Variants in PATJ observed in about 807,000 individuals in gnomAD.
PATJ encodes the protein inaD-like protein.
PATJ carries 190 observed loss-of-function variants against 224.9 expected under a neutral mutation model. That is an observed-to-expected ratio of 0.84 (90% CI 0.75 to 0.95). PATJ has a LOEUF of 0.95. Among genes scored for constraint, PATJ ranks in the 40% least tolerant of loss-of-function variants. PATJ has a pLI of 0.00. For synonymous variants in PATJ, 769 were observed against 820.3 expected (o/e 0.94, Z 1.07); for missense variants, 2,121 against 2,270.3 (o/e 0.93, Z 1.34).
At chr1:62,103,584 C>T (rs1008596424) in intron 33 of PATJ, among the ~76,000 whole-genome samples, 20 of 152,098 alleles carry the variant, frequency 1.3e-4, no homozygotes, top group African/African-American at 4.8e-4. Flanking sequence ...GAAACCTCAT[C>T]TCTACTAAAA....
intron 28 of PATJ, among the ~76,000 whole-genome samples, chr1:62,005,167 C>T (rs2149632312): frequency 6.7e-6 from 1 of 149,050 alleles, no homozygotes; most frequent in Non-Finnish European, 1.5e-5. Flanking sequence ...GACATAGTTT[C>T]ACCTGTCACC....
chr1:61,929,819 A>G (rs1221272828), intron 27 of PATJ, among the ~76,000 whole-genome samples: 1 of 152,210 alleles, frequency 6.6e-6, no homozygotes, highest in Non-Finnish European at 1.5e-5. Context: ...CAGGAGTTCA[A>G]GACTAGCCTG....
intron 22 of PATJ, among the ~76,000 whole-genome samples, chr1:61,895,882 G>T (rs1400129612): frequency 6.6e-6 from 1 of 152,214 alleles, no homozygotes; most frequent in Non-Finnish European, 1.5e-5. Context: ...AGCAGCCATG[G>T]GGGCTGTACC....
intron 20 of PATJ, among the ~76,000 whole-genome samples, chr1:61,870,775 T>C (rs548028060): frequency 6.6e-6 from 1 of 152,354 alleles, no homozygotes; most frequent in South Asian, 2.1e-4. Context: ...ATGCTAATTC[T>C]ATATTTAATT....
intron 28 of PATJ, among the ~76,000 whole-genome samples, chr1:61,997,425 A>G (rs868582623): frequency 8.5e-5 from 13 of 152,180 alleles, no homozygotes; most frequent in Middle Eastern, 3.2e-3. Context: ...ACCAATAGCT[A>G]TCTGTGTCTT....
intron 13 of PATJ, among the ~76,000 whole-genome samples, chr1:61,806,445 T>G (rs902174629): frequency 1.3e-5 from 2 of 151,666 alleles, no homozygotes; most frequent in African/African-American, 4.8e-5. Context: ...TGGTGAAACC[T>G]CGTCTCTACT....
chr1:61,817,391 C>T (rs763807151), intron 14 of PATJ, among the ~76,000 whole-genome samples: 6 of 152,090 alleles, frequency 3.9e-5, no homozygotes, highest in Non-Finnish European at 7.4e-5. Flanking sequence ...GGACCGGGAG[C>T]GGTGGCTCAC....
intron 17 of PATJ, among the ~76,000 whole-genome samples, chr1:61,835,524 C>T (rs1660037636): frequency 6.6e-6 from 1 of 152,134 alleles, no homozygotes; most frequent in African/African-American, 2.4e-5. Context: ...GTGCCTCAGC[C>T]TCTTGAGTAG....
chr1:62,042,441 G>A (rs1651691272), intron 30 of PATJ, among the ~76,000 whole-genome samples: 1 of 151,988 alleles, frequency 6.6e-6, no homozygotes. Context: ...CCCCTTAGAT[G>A]TTTCTATTGA....
At chr1:61,780,324 G>T (rs985042672) in intron 7 of PATJ, among the ~76,000 whole-genome samples, 3 of 152,100 alleles carry the variant, frequency 2.0e-5, no homozygotes, top group Non-Finnish European at 4.4e-5. Context: ...AATTAGCCAG[G>T]TGTGGAGGTG....
At chr1:61,982,883 AT>A (rs537033964) in intron 27 of PATJ, among the ~76,000 whole-genome samples, 168 of 152,040 alleles carry the variant, frequency 1.1e-3, no homozygotes, top group Non-Finnish European at 2.1e-3. Context: ...TGCAAAAGTC[AT>A]TATGGTTTTT....
At chr1:61,934,275 C>T (rs867657391) in intron 27 of PATJ, among the ~76,000 whole-genome samples, 3 of 152,162 alleles carry the variant, frequency 2.0e-5, no homozygotes, top group Non-Finnish European at 2.9e-5. Flanking sequence ...TGCGCCACCA[C>T]GCCCGGCTAA....
intron 7 of PATJ, among the ~76,000 whole-genome samples, chr1:61,777,515 A>C (rs1372214647): frequency 6.6e-5 from 10 of 152,088 alleles, no homozygotes; most frequent in Non-Finnish European, 2.9e-5. Flanking sequence ...CCTGGGCGAC[A>C]GAGTAAGACC....
chr1:61,873,237 A>T (rs1317442837), intron 20 of PATJ, among the ~76,000 whole-genome samples: 1 of 152,142 alleles, frequency 6.6e-6, no homozygotes, highest in African/African-American at 2.4e-5. Context: ...TCATGATCAC[A>T]GCTCACTGCA....
intron 41 of PATJ, among the ~76,000 whole-genome samples, chr1:62,146,432 GC>G (rs1668044922): frequency 6.6e-6 from 1 of 152,204 alleles, no homozygotes; most frequent in African/African-American, 2.4e-5. Flanking sequence ...GGATGGAGGG[GC>G]TGAAGCGAGA....
chr1:61,984,164 AT>A (rs779439336), intron 27 of PATJ, among the ~76,000 whole-genome samples: 3,453 of 132,102 alleles, frequency 0.026, 104 homozygotes, highest in African/African-American at 0.062. Flanking sequence ...TATTATTATT[AT>A]TTTTTTTTTT....
intron 17 of PATJ, among the ~76,000 whole-genome samples, chr1:61,851,836 T>C (rs1342954199): frequency 1.3e-5 from 2 of 151,690 alleles, no homozygotes; most frequent in Non-Finnish European, 2.9e-5. Context: ...AAGGCTGAGA[T>C]AAAAAGAACT....
At chr1:61,867,090 A>G (rs556402284) in intron 20 of PATJ, among the ~76,000 whole-genome samples, 26 of 152,150 alleles carry the variant, frequency 1.7e-4, no homozygotes, top group African/African-American at 6.0e-4. Flanking sequence ...GGTCTTTATG[A>G]CCTGTATCTT....
intron 27 of PATJ, among the ~76,000 whole-genome samples, chr1:61,981,489 G>A (rs1040519152): frequency 1.3e-5 from 2 of 151,890 alleles, no homozygotes; most frequent in Non-Finnish European, 2.9e-5. Flanking sequence ...CAAGAGAAAA[G>A]CATAACAAAT....
Sources: allele counts gnomAD v4.1 joint callset (sites outside exome capture counted in the v4.1 genomes callset), GRCh38; gene constraint gnomAD v4.1.1; transcripts MANE v1.5; gene names NCBI Gene and HGNC (gene_info 2026-07-23, HGNC 2026-07-21).